PALM2AKAP2: variants seen among roughly 807,000 people sequenced by gnomAD.
PALM2AKAP2 encodes PALM2-AKAP2 fusion protein.
PALM2AKAP2 carries 37 observed loss-of-function variants against 71.5 expected under a neutral mutation model. The ratio of observed to expected loss-of-function variants is 0.52; its 90% CI spans 0.40 to 0.68. The LOEUF (loss-of-function observed/expected upper bound fraction) is 0.68, where lower values mean the gene tolerates loss of function less well. Ranked by LOEUF, PALM2AKAP2 falls within the 30% of genes least tolerant of loss-of-function variation. The pLI is 0.00. For synonymous variants in PALM2AKAP2, 468 were observed against 478.8 expected, an observed-to-expected ratio of 0.98 and a Z score of 0.29; for missense variants, 1,224 against 1,191.8, an observed-to-expected ratio of 1.03 and a Z score of -0.40.
intron 5 of PALM2AKAP2, among the ~76,000 whole-genome samples, chr9:109,928,014 G>T (rs2131976994): frequency 6.6e-6 from 1 of 152,284 alleles, no homozygotes; most frequent in East Asian, 1.9e-4. Context: ...CCAGTCTGTG[G>T]TGGCTTAGAG....
intron 1 of PALM2AKAP2, among the ~76,000 whole-genome samples, chr9:109,755,276 G>A (rs1291851215): frequency 6.6e-6 from 1 of 151,958 alleles, no homozygotes; most frequent in Non-Finnish European, 1.5e-5. Context: ...TGACCAACAA[G>A]GCTCTTTATA....
At chr9:109,953,332 G>A (rs1022930167) in intron 6 of PALM2AKAP2, among the ~76,000 whole-genome samples, 1 of 152,172 alleles carries the variant, frequency 6.6e-6, no homozygotes, top group Non-Finnish European at 1.5e-5. Flanking sequence ...GATAGGGTAG[G>A]ATTTCCTTTA....
At chr9:109,658,423 A>G (rs2132239355) in intron 1 of PALM2AKAP2, among the ~76,000 whole-genome samples, 2 of 152,334 alleles carry the variant, frequency 1.3e-5, no homozygotes, top group South Asian at 4.1e-4. Context: ...AAATCTTATA[A>G]AGATATAAAG....
chr9:109,798,348 C>T (rs1307213687), intron 1 of PALM2AKAP2, among the ~76,000 whole-genome samples: 3 of 152,154 alleles, frequency 2.0e-5, no homozygotes, highest in South Asian at 2.1e-4. Flanking sequence ...ACCTGCATCT[C>T]GCAGTGATGG....
At chr9:109,840,299 A>G (rs904332261) in intron 1 of PALM2AKAP2, among the ~76,000 whole-genome samples, 1 of 152,242 alleles carries the variant, frequency 6.6e-6, no homozygotes, top group African/African-American at 2.4e-5. Flanking sequence ...ATGCTGGGAA[A>G]ACTGGCTAGC....
intron 3 of PALM2AKAP2, among the ~76,000 whole-genome samples, chr9:110,164,599 C>T (rs1836687933): frequency 6.7e-6 from 1 of 149,372 alleles, no homozygotes; most frequent in African/African-American, 2.5e-5. Flanking sequence ...GGTGCGATCT[C>T]AGCTCACTGC....
chr9:110,170,770 T>C (rs979120704), exon 4 of PALM2AKAP2: 3 of 152,192 alleles, frequency 2.0e-5, no homozygotes, highest in African/African-American at 7.2e-5. Flanking sequence ...AGTCCTGATG[T>C]GAAATGGGAG....
chr9:109,751,461 C>T (rs936817180), intron 1 of PALM2AKAP2, among the ~76,000 whole-genome samples: 8 of 152,132 alleles, frequency 5.3e-5, no homozygotes, highest in African/African-American at 2.4e-5. Context: ...TTGCCATCCG[C>T]GCTGACCAGA....
chr9:109,829,754 G>T (rs1311591571), intron 1 of PALM2AKAP2, among the ~76,000 whole-genome samples: 5 of 151,896 alleles, frequency 3.3e-5, no homozygotes, highest in African/African-American at 9.7e-5. Flanking sequence ...TTGGGACTGA[G>T]ATTACCAGCT....
chr9:109,867,202 GTGTC>G (rs997976909), intron 1 of PALM2AKAP2: 13 of 403,426 alleles, frequency 3.2e-5, no homozygotes, highest in South Asian at 9.2e-5. Flanking sequence ...GTGTGTGTGT[GTGTC>G]TGTGTGTGTG....
intron 1 of PALM2AKAP2, among the ~76,000 whole-genome samples, chr9:109,751,444 C>T (rs1828884997): frequency 6.6e-6 from 1 of 152,108 alleles, no homozygotes; most frequent in African/African-American, 2.4e-5. Context: ...CTTTTGTTTG[C>T]TTTTCTTTGC....
intron 6 of PALM2AKAP2, among the ~76,000 whole-genome samples, chr9:110,003,480 G>T (rs1832720462): frequency 6.6e-6 from 1 of 152,200 alleles, no homozygotes; most frequent in Non-Finnish European, 1.5e-5. Flanking sequence ...TAGGTGTGGT[G>T]TGGTGCTGAA....
At chr9:109,946,207 GATT>G (rs1415213261) in intron 6 of PALM2AKAP2, 9 of 152,178 alleles carry the variant, frequency 5.9e-5, no homozygotes, top group African/African-American at 2.2e-4. Context: ...ATGGAGCTGT[GATT>G]ATGAACATGC....
chr9:109,676,650 G>C (rs1294927916), intron 1 of PALM2AKAP2, among the ~76,000 whole-genome samples: 1 of 152,120 alleles, frequency 6.6e-6, no homozygotes, highest in Non-Finnish European at 1.5e-5. Context: ...AGAGAAAAGG[G>C]CTTGCATAAA....
chr9:110,137,158 C>T, exon 2 of PALM2AKAP2: 3 of 1,613,772 alleles, frequency 1.9e-6, no homozygotes, highest in Non-Finnish European at 2.5e-6. Context: ...AACGCGCAAG[C>T]ATGATTGACA....
At chr9:109,773,648 T>C (rs1257422432) in intron 1 of PALM2AKAP2, among the ~76,000 whole-genome samples, 1 of 152,194 alleles carries the variant, frequency 6.6e-6, no homozygotes, top group Non-Finnish European at 1.5e-5. Context: ...CTATTCCCAT[T>C]TTACAAATAG....
At chr9:109,787,991 T>C (rs1827013592) in intron 1 of PALM2AKAP2, among the ~76,000 whole-genome samples, 1 of 152,234 alleles carries the variant, frequency 6.6e-6, no homozygotes, top group Admixed American at 6.5e-5. Context: ...CACCAGAGCT[T>C]TGTGAGTTTG....
At chr9:109,813,208 C>T (rs549101619) in intron 1 of PALM2AKAP2, among the ~76,000 whole-genome samples, 18 of 152,278 alleles carry the variant, frequency 1.2e-4, no homozygotes, top group African/African-American at 4.3e-4. Context: ...CCCAGTTTTC[C>T]CACAGGAAGT....
At chr9:109,704,657 C>T (rs1293680922) in intron 1 of PALM2AKAP2, among the ~76,000 whole-genome samples, 1 of 152,206 alleles carries the variant, frequency 6.6e-6, no homozygotes, top group East Asian at 1.9e-4. Flanking sequence ...AGGCCTTTCA[C>T]CTGTTGGTGT....
Sources: allele counts gnomAD v4.1 joint callset (sites outside exome capture counted in the v4.1 genomes callset), GRCh38; gene constraint gnomAD v4.1.1; transcripts MANE v1.5; gene names NCBI Gene and HGNC (gene_info 2026-07-23, HGNC 2026-07-21).